SLC66A3: variants seen among roughly 807,000 people sequenced by gnomAD.
The protein encoded by SLC66A3 is PQ loop repeat containing 3.
SLC66A3 carries 23 observed loss-of-function variants against 25.5 expected under a neutral mutation model. The ratio of observed to expected loss-of-function variants is 0.90; its 90% CI spans 0.65 to 1.28. The LOEUF (loss-of-function observed/expected upper bound fraction) is 1.28, where lower values mean the gene tolerates loss of function less well. SLC66A3 is among the 50% of genes most tolerant of loss of function. The pLI is 0.00. For missense variants in SLC66A3, 246 were observed against 262.1 expected, an observed-to-expected ratio of 0.94 and a Z score of 0.42; for synonymous variants, 108 against 112.6, an observed-to-expected ratio of 0.96 and a Z score of 0.26.
rs573301331 is a variant in SLC66A3 at position 11,164,225 on chromosome 2, C to T, written c.318C>T (p.Ile106=). 3 of 1,577,828 alleles carry T rather than the reference C, an allele frequency of 1.9e-6. No homozygotes were observed. The African/African-American group carries it at 4.1e-5, about 22-fold the overall frequency. Residue 106 remains isoleucine, a synonymous_variant, in exon 4 of 7, where the codon ATC becomes ATT. Coordinates refer to ENST00000295083, the MANE Select transcript of SLC66A3 (RefSeq NM_152391.5). ...TAAGATTGGTGTCTTCTTGGTTCAT[C>T]CTTGCCCTGCAGAAGTGGATCATAG... ...YIAVLVSSWF[I]LALQKWIIDL...
At chr2:11,161,879 G>C (rs1662142906) in intron 3 of SLC66A3, among the ~76,000 whole-genome samples, 1 of 152,192 alleles carries the variant, frequency 6.6e-6, no homozygotes, top group African/African-American at 2.4e-5. Context: ...CTGTGAAATG[G>C]CTTGAGCTGT....
chr2:11,170,623 C>CTGTT (rs1662517640), intron 4 of SLC66A3, among the ~76,000 whole-genome samples: 1 of 150,148 alleles, frequency 6.7e-6, no homozygotes. Flanking sequence ...GAGTTGCACT[C>CTGTT]TGTTGCCAGG....
Position 11,177,813 on chromosome 2 carries a change from T to TAGGG in SLC66A3, c.595_596insGGGA (p.Ile199ArgfsTer5), listed in dbSNP as rs764469813. 5.6e-6 allele frequency: 9 copies of TAGGG among 1,602,070 alleles called. No individual in the cohort carries two copies. The East Asian group carries it at 2.0e-4, about 36-fold the overall frequency. ...CAGTACTTCGCTACCGGAAGACCGC[T>TAGGG]ATAAAGGCTGAATGATGGATACATT... On this transcript the variant is annotated frameshift_variant, in exon 7 of 7. Transcript: ENST00000295083. LOFTEE classifies it high-confidence loss of function.
chr2:11,158,141 G>T (rs1285549003), intron 1 of SLC66A3, among the ~76,000 whole-genome samples: 3 of 152,210 alleles, frequency 2.0e-5, no homozygotes. Context: ...GAGCAGATGG[G>T]AATGGAAACA....
chr2:11,161,542 A>G (rs1361013698), intron 3 of SLC66A3, among the ~76,000 whole-genome samples: 4 of 151,928 alleles, frequency 2.6e-5, no homozygotes, highest in Admixed American at 6.6e-5. Context: ...TTTAAGAGAC[A>G]GGGTCTCACT....
chr2:11,155,900 C>T (rs1392834727), intron 1 of SLC66A3, among the ~76,000 whole-genome samples: 1 of 152,232 alleles, frequency 6.6e-6, no homozygotes, highest in African/African-American at 2.4e-5. Flanking sequence ...TCTCACCAAG[C>T]CCCGCGTGGC....
At chr2:11,163,695 C>T (rs913520403) in intron 3 of SLC66A3, among the ~76,000 whole-genome samples, 5 of 152,174 alleles carry the variant, frequency 3.3e-5, no homozygotes, top group African/African-American at 7.2e-5. Flanking sequence ...ATTCCCGTGG[C>T]GTCACCGAGC....
Position 11,155,664 on chromosome 2 carries a change from C to T in SLC66A3, c.118C>T (p.Pro40Ser). 1 of 1,469,042 alleles carries T rather than the reference C, an allele frequency of 6.8e-7. No individual in the cohort carries two copies. The highest frequency in any genetic ancestry group is 2.7e-5 in the East Asian group (1 of 36,386). 91.0% of individuals were successfully genotyped at this position (1,469,042 alleles called of 1,614,324 possible). The stretch of plus-strand genomic sequence containing the variant: ...GCGCAGCGCGCGGGGCCTCAGCCTT[C>T]CGAGTTTACTTCTGGAGCTGGCAGG... ...AARSARGLSLPSLLLELAGFL... is the reference protein window; with the variant it reads ...AARSARGLSLSSLLLELAGFL... The change falls in exon 1 of 7, where the codon CCG becomes TCG. Residue 40 changes from proline to serine, a missense_variant. Around this residue, in one of 3 missense-constraint regions of SLC66A3, gnomAD observed 142 missense variants for 130.3 expected, o/e 1.09. Transcript: ENST00000295083.
intron 4 of SLC66A3, among the ~76,000 whole-genome samples, chr2:11,167,676 G>A (rs1438546944): frequency 1.3e-5 from 2 of 152,214 alleles, no homozygotes; most frequent in East Asian, 1.9e-4. Context: ...TGTTCCTCAC[G>A]CACCTGCTCT....
intron 5 of SLC66A3, among the ~76,000 whole-genome samples, chr2:11,172,455 T>C (rs956733937): frequency 2.0e-5 from 3 of 152,222 alleles, no homozygotes; most frequent in African/African-American, 7.2e-5. Context: ...ATGGAGATTT[T>C]CGGCAGCCAC....
intron 5 of SLC66A3, among the ~76,000 whole-genome samples, chr2:11,173,913 TTATC>T (rs1400587876): frequency 6.6e-6 from 1 of 152,202 alleles, no homozygotes; most frequent in African/African-American, 2.4e-5. Flanking sequence ...CTCAGTCTGT[TTATC>T]TATAAAATGC....
chr2:11,156,449 G>A (rs1661904703), intron 1 of SLC66A3, among the ~76,000 whole-genome samples: 1 of 152,148 alleles, frequency 6.6e-6, no homozygotes, highest in African/African-American at 2.4e-5. Context: ...CTTCCCCCTG[G>A]CCAGGCCAGG....
intron 6 of SLC66A3, among the ~76,000 whole-genome samples, chr2:11,176,175 G>C (rs531497699): frequency 6.6e-6 from 1 of 152,148 alleles, no homozygotes; most frequent in East Asian, 1.9e-4. Context: ...ATCTATGACA[G>C]CTGTTCTTGA....
chr2:11,158,745 G>A (rs1047954041), intron 1 of SLC66A3, among the ~76,000 whole-genome samples: 2 of 152,066 alleles, frequency 1.3e-5, no homozygotes, highest in African/African-American at 4.8e-5. Flanking sequence ...GCTGGAACCC[G>A]GGAGGTGGAG....
At chr2:11,158,220 A>G (rs892006128) in intron 1 of SLC66A3, among the ~76,000 whole-genome samples, 2 of 152,222 alleles carry the variant, frequency 1.3e-5, no homozygotes, top group African/African-American at 4.8e-5. Flanking sequence ...ATTACTTATT[A>G]AAAGAAACTT....
chr2:11,169,039 G>A (rs1662453928), intron 4 of SLC66A3, among the ~76,000 whole-genome samples: 1 of 151,998 alleles, frequency 6.6e-6, no homozygotes, highest in Admixed American at 6.6e-5. Context: ...TATATTTTTT[G>A]TAGAGATGGG....
intron 5 of SLC66A3, among the ~76,000 whole-genome samples, chr2:11,173,116 G>A (rs538405632): frequency 2.0e-5 from 3 of 152,108 alleles, no homozygotes; most frequent in Non-Finnish European, 4.4e-5. Flanking sequence ...ACCCGCCTTG[G>A]CCTCCCAAAG....
intron 1 of SLC66A3, 60 bp downstream of exon 1, chr2:11,155,749 G>A: frequency 7.7e-7 from 1 of 1,298,014 alleles, no homozygotes; most frequent in Non-Finnish European, 9.8e-7. Context: ...CCGGCTGGGA[G>A]CCCAGGAGAG....
intron 1 of SLC66A3, among the ~76,000 whole-genome samples, chr2:11,158,874 C>T (rs573307118): frequency 2.0e-5 from 3 of 152,314 alleles, no homozygotes; most frequent in South Asian, 4.1e-4. Flanking sequence ...CCCCACCTCC[C>T]CAGGCTGCAG....
Sources: allele counts gnomAD v4.1 joint callset (sites outside exome capture counted in the v4.1 genomes callset), GRCh38; gene constraint gnomAD v4.1.1; regional missense constraint gnomAD v4.1.1; transcripts MANE v1.5; gene names NCBI Gene and HGNC (gene_info 2026-07-23, HGNC 2026-07-21).